The following LRRC4C variants were observed in gnomAD, a reference collection of about 807,000 sequenced individuals.
The protein encoded by LRRC4C is leucine-rich repeat-containing protein 4C.
LRRC4C carries 5 observed loss-of-function variants against 33.6 expected under a neutral mutation model. The observed-to-expected ratio is 0.15, with a 90% CI of 0.08 to 0.31. LRRC4C has a LOEUF of 0.31. Among genes scored for constraint, LRRC4C ranks in the 10% least tolerant of loss-of-function variants. The pLI is 1.00. For synonymous variants in LRRC4C, 329 were observed against 302.0 expected, an observed-to-expected ratio of 1.09 and a Z score of -0.93; for missense variants, 560 against 796.7, an observed-to-expected ratio of 0.70 and a Z score of 3.58.
At chr11:41,351,160 G>A (rs191542605) in intron 1 of LRRC4C, among the ~76,000 whole-genome samples, 1 of 152,166 alleles carries the variant, frequency 6.6e-6, no homozygotes, top group African/African-American at 2.4e-5. Context: ...TTGAGTCTGA[G>A]AGATTGAGTC....
At chr11:40,627,077 T>G (rs1404649112) in intron 3 of LRRC4C, among the ~76,000 whole-genome samples, 1 of 63,620 alleles carries the variant, frequency 1.6e-5, no homozygotes, top group Non-Finnish European at 2.8e-5. Context: ...CTATACTGTT[T>G]TTTTTTTTTT....
chr11:40,640,815 G>T (rs2136084757), intron 3 of LRRC4C, among the ~76,000 whole-genome samples: 1 of 152,044 alleles, frequency 6.6e-6, no homozygotes, highest in African/African-American at 2.4e-5. Context: ...GAGATCGAGA[G>T]ACTATCTTGG....
intron 3 of LRRC4C, among the ~76,000 whole-genome samples, chr11:40,591,254 G>A (rs993927390): frequency 2.6e-5 from 4 of 152,236 alleles, no homozygotes; most frequent in East Asian, 3.9e-4. Context: ...GGTGCCATCC[G>A]TCACCCCTTT....
intron 3 of LRRC4C, among the ~76,000 whole-genome samples, chr11:40,621,589 T>A (rs1263363460): frequency 6.6e-6 from 1 of 151,818 alleles, no homozygotes; most frequent in Non-Finnish European, 1.5e-5. Context: ...TAGCAATGTT[T>A]GTTCCACAGG....
intron 1 of LRRC4C, among the ~76,000 whole-genome samples, chr11:41,202,640 C>T (rs1202464385): frequency 1.3e-5 from 2 of 152,022 alleles, no homozygotes; most frequent in Admixed American, 6.6e-5. Context: ...CCGACATTGC[C>T]GTGTTTTTTG....
At chr11:40,694,931 C>T (rs1427595848) in intron 2 of LRRC4C, among the ~76,000 whole-genome samples, 1 of 151,982 alleles carries the variant, frequency 6.6e-6, no homozygotes, top group East Asian at 1.9e-4. Context: ...CCATTTTTTC[C>T]AGCCGTTTGT....
chr11:41,391,824 T>C (rs1228421041), intron 1 of LRRC4C, among the ~76,000 whole-genome samples: 1 of 151,924 alleles, frequency 6.6e-6, no homozygotes, highest in Non-Finnish European at 1.5e-5. Context: ...CTCAAATGTG[T>C]CTATGAATAG....
intron 1 of LRRC4C, among the ~76,000 whole-genome samples, chr11:41,345,431 AG>A (rs1340940911): frequency 2.0e-5 from 3 of 152,210 alleles, no homozygotes; most frequent in East Asian, 3.8e-4. Context: ...GAATATTCAA[AG>A]GTTAACAAAA....
intron 5 of LRRC4C, among the ~76,000 whole-genome samples, chr11:40,230,226 G>C (rs533183225): frequency 1.3e-5 from 2 of 152,100 alleles, no homozygotes; most frequent in Non-Finnish European, 2.9e-5. Flanking sequence ...TTATTATTTC[G>C]TGTTAAAGAG....
intron 1 of LRRC4C, among the ~76,000 whole-genome samples, chr11:41,258,085 CA>C (rs1316131826): frequency 6.6e-6 from 1 of 151,620 alleles, no homozygotes; most frequent in Non-Finnish European, 1.5e-5. Flanking sequence ...AGTCAGTATA[CA>C]AAAAAAGAAT....
chr11:40,524,072 A>C (rs773454634), intron 3 of LRRC4C, among the ~76,000 whole-genome samples: 9 of 152,128 alleles, frequency 5.9e-5, no homozygotes, highest in Non-Finnish European at 1.3e-4. Flanking sequence ...CAGAATCCGG[A>C]TGGGAAAGAG....
At chr11:40,826,406 T>C (rs1392891463) in intron 2 of LRRC4C, among the ~76,000 whole-genome samples, 2 of 151,964 alleles carry the variant, frequency 1.3e-5, no homozygotes, top group African/African-American at 4.8e-5. Flanking sequence ...GAGCTGCAGC[T>C]ACTTTTGAGG....
intron 5 of LRRC4C, among the ~76,000 whole-genome samples, chr11:40,196,474 CTT>C (rs1308284756): frequency 1.3e-5 from 2 of 152,216 alleles, no homozygotes; most frequent in Non-Finnish European, 2.9e-5. Flanking sequence ...AAGACAGTCT[CTT>C]GTTTGTTACC....
intron 2 of LRRC4C, among the ~76,000 whole-genome samples, chr11:40,880,533 ATTTTT>A (rs1955115789): frequency 1.5e-4 from 12 of 82,230 alleles, no homozygotes; most frequent in Non-Finnish European, 2.1e-4. Flanking sequence ...ACAGAATAAG[ATTTTT>A]AAATGAAAAA....
intron 2 of LRRC4C, among the ~76,000 whole-genome samples, chr11:40,843,078 A>T (rs1477080827): frequency 6.6e-6 from 1 of 152,126 alleles, no homozygotes; most frequent in Non-Finnish European, 1.5e-5. Flanking sequence ...TCTAATCTAT[A>T]CTGAATTTTC....
At chr11:40,615,258 A>ATATATATG (rs1961674363) in intron 3 of LRRC4C, among the ~76,000 whole-genome samples, 1 of 50,892 alleles carries the variant, frequency 2.0e-5, no homozygotes, top group African/African-American at 3.9e-5. Context: ...ATATATATAT[A>ATATATATG]TATATATACA....
chr11:40,131,464 A>G (rs1856639312), intron 6 of LRRC4C, among the ~76,000 whole-genome samples: 2 of 152,204 alleles, frequency 1.3e-5, no homozygotes, highest in Non-Finnish European at 1.5e-5. Flanking sequence ...TATTACATCC[A>G]GAGTATCTTG....
At chr11:41,206,684 G>A (rs943227729) in intron 1 of LRRC4C, among the ~76,000 whole-genome samples, 43 of 152,292 alleles carry the variant, frequency 2.8e-4, no homozygotes, top group African/African-American at 1.0e-3. Context: ...TCCAAAGCCT[G>A]AGGATCTTAG....
At chr11:40,165,989 G>A (rs1859562465) in intron 5 of LRRC4C, among the ~76,000 whole-genome samples, 1 of 152,104 alleles carries the variant, frequency 6.6e-6, no homozygotes, top group African/African-American at 2.4e-5. Context: ...CTATCTCACT[G>A]CTAGTAGAAG....
Sources: allele counts gnomAD v4.1 joint callset (sites outside exome capture counted in the v4.1 genomes callset), GRCh38; gene constraint gnomAD v4.1.1; transcripts MANE v1.5; gene names NCBI Gene and HGNC (gene_info 2026-07-23, HGNC 2026-07-21).